The following S100A8 variants were observed in gnomAD, a reference collection of about 807,000 sequenced individuals.
The protein encoded by S100A8 is protein S100-A8.
A neutral mutation model predicts 4.2 loss-of-function variants in S100A8; 1 was observed. The ratio of observed to expected loss-of-function variants is 0.24; its 90% CI spans 0.08 to 1.12. The LOEUF is 1.12. Among genes scored for constraint, S100A8 ranks in the 50% most tolerant of loss-of-function variants. The probability of loss-of-function intolerance (pLI) is 0.53; values close to 1 mark genes in which losing one functional copy is unlikely to be tolerated. For synonymous variants in S100A8, 41 were observed against 44.7 expected (o/e 0.92, Z 0.33); for missense variants, 96 against 111.8 (o/e 0.86, Z 0.64).
chr1:153,404,986 T>C, the S100A8 span, among the ~76,000 whole-genome samples: 34 of 152,052 alleles, frequency 2.2e-4, no homozygotes, highest in Middle Eastern at 3.4e-3. Flanking sequence ...CAGAGTTTTG[T>C]CCTGGGCCTC....
chr1:153,394,816 G>A (rs78866217), upstream of S100A8, among the ~76,000 whole-genome samples: 2,379 of 152,194 alleles, frequency 0.016, 71 homozygotes, highest in African/African-American at 0.054. Context: ...GGACCAGGTG[G>A]GGAGGGAACC....
upstream of S100A8, among the ~76,000 whole-genome samples, chr1:153,393,339 T>C (rs564405450): frequency 6.6e-6 from 1 of 152,348 alleles, no homozygotes; most frequent in South Asian, 2.1e-4. Flanking sequence ...ATGATTCACT[T>C]GTTTATTGTC....
At chr1:153,418,658 G>GA in the S100A8 span, among the ~76,000 whole-genome samples, 20 of 152,144 alleles carry the variant, frequency 1.3e-4, no homozygotes, top group Admixed American at 2.0e-4. Flanking sequence ...TGGCAAATCT[G>GA]AAAAAACCTG....
the S100A8 span, among the ~76,000 whole-genome samples, chr1:153,396,997 T>C: frequency 6.6e-6 from 1 of 152,218 alleles, no homozygotes; most frequent in South Asian, 2.1e-4. Context: ...GCTAGCTGCA[T>C]GTGTGCAGAC....
At position 153,390,432 on chromosome 1, in the gene S100A8, T is replaced by C. The variant is rs1312764898; in HGVS notation, c.104A>G (p.Lys35Arg). 6.2e-7 allele frequency: 1 copy of C among 1,614,176 alleles called. No homozygotes were observed. The highest frequency in any genetic ancestry group is 1.7e-5 in the Admixed American group (1 of 60,014). ...NFHAVYRDDL[K>R]KLLETECPQY... The stretch of plus-strand genomic sequence containing the variant: ...AGGACACTCGGTCTCTAGCAATTTC[T>C]TCAGGTCATCCCTGTAGACGGCATG... The change falls in exon 2 of 3, where the codon AAG (lysine) becomes AGG (arginine). Residue 35 changes from lysine to arginine, a missense_variant. Coordinates refer to ENST00000368733, the MANE Select transcript of S100A8 (RefSeq NM_002964.5).
rs1449101308 is a variant in S100A8, at chr1:153,391,046, C to A, written c.-28G>T. 2 of 986,532 alleles carry A rather than the reference C, an allele frequency of 2.0e-6. No individual in the cohort carries two copies. The highest frequency in any genetic ancestry group is 2.4e-6 in the Non-Finnish European group (2 of 830,570). The allele number at this position is 986,532 out of a possible 1,614,324, so 61.1% of individuals were successfully genotyped here. A position where few individuals can be genotyped will look rare whatever the true frequency, so the allele number is the denominator to read the frequency against. On this transcript the variant is annotated 5_prime_UTR_variant, in exon 1 of 3. Coordinates refer to ENST00000368733, the MANE Select transcript of S100A8 (RefSeq NM_002964.5). ...ACCCAGACAGTCCCACTTACCAGGT[C>A]TTCTGAAAGACAGCTGACAAGAGAC...
the S100A8 span, chr1:153,418,097 A>G: frequency 3.7e-6 from 6 of 1,614,186 alleles, no homozygotes; most frequent in Non-Finnish European, 5.1e-6. Context: ...GCAACACTCA[A>G]GCTGAGAGGT....
the S100A8 span, among the ~76,000 whole-genome samples, chr1:153,416,875 TC>T: frequency 3.3e-5 from 5 of 152,212 alleles, no homozygotes; most frequent in African/African-American, 1.2e-4. Flanking sequence ...GGATTCATTC[TC>T]CTTTTGGGAT....
chr1:153,405,017 A>G, the S100A8 span, among the ~76,000 whole-genome samples: 21 of 152,190 alleles, frequency 1.4e-4, no homozygotes, highest in East Asian at 2.7e-3. Flanking sequence ...CAACTGTAAC[A>G]GGAACAGCCC....
At chr1:153,406,237 T>A in the S100A8 span, among the ~76,000 whole-genome samples, 5 of 152,160 alleles carry the variant, frequency 3.3e-5, no homozygotes, top group Admixed American at 6.6e-5. Context: ...TTTATGGAGT[T>A]CTCTGCACTG....
chr1:153,417,390 C>T, the S100A8 span: 1 of 152,392 alleles, frequency 6.6e-6, no homozygotes, highest in Non-Finnish European at 1.5e-5. Flanking sequence ...CATCCAGCAG[C>T]TTAAGAACCA....
chr1:153,391,929 G>A (rs139457797), upstream of S100A8, among the ~76,000 whole-genome samples: 16 of 152,232 alleles, frequency 1.1e-4, no homozygotes, highest in African/African-American at 2.9e-4. Flanking sequence ...AGCCAGACGC[G>A]CTTCATGCCT....
chr1:153,412,855 A>G, the S100A8 span, among the ~76,000 whole-genome samples: 1 of 152,182 alleles, frequency 6.6e-6, no homozygotes, highest in Non-Finnish European at 1.5e-5. Context: ...GAAGCTGGAA[A>G]CCATCATTCT....
upstream of S100A8, among the ~76,000 whole-genome samples, chr1:153,392,419 G>A (rs988105163): frequency 2.6e-5 from 4 of 152,138 alleles, no homozygotes; most frequent in Admixed American, 6.5e-5. Context: ...TATGGAAAAC[G>A]GCAAGTTTGT....
the S100A8 span, among the ~76,000 whole-genome samples, chr1:153,398,405 C>T: frequency 6.6e-6 from 1 of 152,146 alleles, no homozygotes; most frequent in Non-Finnish European, 1.5e-5. Context: ...GGGGGGCCAC[C>T]GCAGTCCCTG....
the S100A8 span, among the ~76,000 whole-genome samples, chr1:153,405,024 G>T: frequency 1.3e-5 from 2 of 152,034 alleles, no homozygotes; most frequent in Non-Finnish European, 2.9e-5. Flanking sequence ...AACAGGAACA[G>T]CCCTTACAGT....
upstream of S100A8, among the ~76,000 whole-genome samples, chr1:153,392,361 T>C (rs1291953283): frequency 6.6e-6 from 1 of 152,174 alleles, no homozygotes; most frequent in Non-Finnish European, 1.5e-5. Flanking sequence ...GCATAGAGAA[T>C]TGGAAGCCTA....
the S100A8 span, among the ~76,000 whole-genome samples, chr1:153,417,728 C>A: frequency 8.4e-3 from 1,278 of 152,226 alleles, 16 homozygotes; most frequent in African/African-American, 0.03. Flanking sequence ...TGGGGTCCGC[C>A]ATGTGCTGGT....
intron 2 of S100A8, 57 bp downstream of exon 2, chr1:153,390,338 C>T: frequency 6.2e-7 from 1 of 1,604,292 alleles, no homozygotes; most frequent in Non-Finnish European, 8.5e-7. Flanking sequence ...GGACCGCTGG[C>T]CCAGGGCAGC....
Sources: allele counts gnomAD v4.1 joint callset (sites outside exome capture counted in the v4.1 genomes callset), GRCh38; gene constraint gnomAD v4.1.1; transcripts MANE v1.5; gene names NCBI Gene and HGNC (gene_info 2026-07-23, HGNC 2026-07-21).